PRDM15: variants seen among roughly 807,000 people sequenced by gnomAD.
PRDM15 encodes PR domain zinc finger protein 15.
Under a neutral mutation model 128.6 loss-of-function variants are expected in PRDM15, and 64 were observed. The observed-to-expected ratio is 0.50, with a 90% CI of 0.41 to 0.61. The LOEUF (loss-of-function observed/expected upper bound fraction) is 0.61. Ranked by LOEUF, PRDM15 falls within the 20% of genes least tolerant of loss-of-function variation. PRDM15 has a pLI of 0.00. For synonymous variants in PRDM15, 615 were observed against 621.8 expected (o/e 0.99, Z 0.16); for missense variants, 1,242 against 1,569.1 (o/e 0.79, Z 3.52).
At chr21:41,872,964 G>C (rs570874902) in intron 1 of PRDM15, among the ~76,000 whole-genome samples, 77 of 152,346 alleles carry the variant, frequency 5.1e-4, no homozygotes, top group African/African-American at 1.8e-3. Flanking sequence ...TCTGTTGCTG[G>C]TGGTGGTAGG....
Position 41,828,362 on chromosome 21 carries a change from G to C in PRDM15, c.1367-29C>G, listed in dbSNP as rs1167310432. 1 of 1,611,278 alleles carries C rather than the reference G, an allele frequency of 6.2e-7. No homozygotes were observed. Among genetic ancestry groups the C allele is most frequent in the South Asian group, 1.1e-5 (1 of 91,038 alleles). On this transcript the variant is annotated intron_variant, in intron 11 of 23. Transcript: ENST00000398548. The surrounding 1 kb of genome is among the most constrained non-coding windows in gnomAD (Gnocchi z 5.7). ...TCCAGAGAGCAAACAAACACACAAC[G>C]ATTTTGAGGTAAATAACATCTCACG...
chr21:41,861,978 A>G (rs1415792095), intron 1 of PRDM15: 1 of 1,613,692 alleles, frequency 6.2e-7, no homozygotes, highest in African/African-American at 1.3e-5. Context: ...TCAGTTTCAT[A>G]GCCGCATTCG....
intron 6 of PRDM15, among the ~76,000 whole-genome samples, chr21:41,844,270 C>T (rs895673266): frequency 1.2e-4 from 19 of 152,048 alleles, no homozygotes; most frequent in Admixed American, 2.0e-4. Flanking sequence ...TCTGGGACAG[C>T]GCTCAGTGCC....
chr21:41,820,827 T>C (rs1019607761), intron 16 of PRDM15, among the ~76,000 whole-genome samples: 1 of 152,174 alleles, frequency 6.6e-6, no homozygotes, highest in Non-Finnish European at 1.5e-5. Context: ...ACCCCGCTAT[T>C]TTCCTGTAAC....
chr21:41,867,153 ACTAT>A (rs930928367), intron 1 of PRDM15: 28 of 629,890 alleles, frequency 4.4e-5, no homozygotes, highest in African/African-American at 1.3e-4. Context: ...AACCTCACTG[ACTAT>A]CTGAGTTTTG....
chr21:41,812,612 G>C (rs771210742), intron 19 of PRDM15: 25 of 152,334 alleles, frequency 1.6e-4, no homozygotes, highest in Admixed American at 5.2e-4. Flanking sequence ...CTGGTCTTTA[G>C]ACAAAGCCTC....
rs1327431844 is a variant in PRDM15, at chr21:41,847,163, G to A, written c.567C>T (p.Pro189=). The change falls in exon 6 of 24, where the codon CCC becomes CCT. Residue 189 remains proline (P), a synonymous_variant. Coordinates refer to ENST00000398548, the MANE Select transcript of PRDM15 (RefSeq NM_001040424.3). The part of the protein sequence containing the change: ...HAAGTPENSA[P]VESEPSQWAC... Reference sequence around the variant, plus strand: ...CCCACTGGCTGGGCTCCGACTCCACGGGGGCGCTGTTTTCTGGGGTGCCTG... The same window carrying A: ...CCCACTGGCTGGGCTCCGACTCCACAGGGGCGCTGTTTTCTGGGGTGCCTG... The A allele has an allele frequency of 1.9e-6, 3 of 1,553,844 alleles. No individual in the cohort carries two copies. The highest frequency in any genetic ancestry group is 2.4e-5 in the East Asian group (1 of 41,548).
At chr21:41,851,011 C>T (rs1438285619) in intron 5 of PRDM15, among the ~76,000 whole-genome samples, 1 of 152,200 alleles carries the variant, frequency 6.6e-6, no homozygotes, top group Non-Finnish European at 1.5e-5. Flanking sequence ...AAGTAATTTA[C>T]AGGAAGACGG....
In PRDM15 at chr21:41,836,528, T is replaced by C. The variant is rs2062900980; in HGVS notation, c.1123A>G (p.Asn375Asp). ...TTCTGGAAGATCTTGCTGCAGATATTGCACTGGTAAACCCGCTTGTGCTCC... is the reference window on the plus strand; with the variant it reads ...TTCTGGAAGATCTTGCTGCAGATATCGCACTGGTAAACCCGCTTGTGCTCC... ...LGEHKRVYQC[N>D]ICSKIFQNSS... The change falls in exon 9 of 24, where the codon AAT (asparagine) becomes GAT (aspartate). Residue 375 changes from asparagine to aspartate, a missense_variant. Around this residue, in one of 3 missense-constraint regions of PRDM15, gnomAD observed 612 missense variants for 717.0 expected, o/e 0.85. Coordinates refer to ENST00000398548, the MANE Select transcript of PRDM15 (RefSeq NM_001040424.3). 6.2e-7 allele frequency: 1 copy of C among 1,612,764 alleles called. No homozygotes were observed. The highest frequency in any genetic ancestry group is 1.3e-5 in the African/African-American group (1 of 74,920).
Position 41,836,492 on chromosome 21 carries a change from G to C in PRDM15, c.1159C>G (p.Leu387Val). Residue 387 changes from leucine (L) to valine (V), a missense_variant, in exon 9 of 24, where the codon CTG (leucine) becomes GTG (valine). By Grantham distance (32) the Leu-to-Val change is conservative. Transcript: ENST00000398548. ...CCATGCGAGCGCACGTGCCTGCTCAGGTTGCTGCTGTTCTGGAAGATCTTG... is the reference window on the plus strand; with the variant it reads ...CCATGCGAGCGCACGTGCCTGCTCACGTTGCTGCTGTTCTGGAAGATCTTG... ...CSKIFQNSSN[L>V]SRHVRSHGDK... The C allele has an allele frequency of 3.7e-6, 6 of 1,611,860 alleles. No homozygotes were observed. The highest frequency in any genetic ancestry group is 5.1e-6 in the Non-Finnish European group (6 of 1,179,644).
In PRDM15 at chr21:41,853,726, C is replaced by T. The variant is rs545734134; in HGVS notation, c.538+840G>A. On this transcript the variant is annotated intron_variant, in intron 5 of 23. Transcript: ENST00000398548. ...AGGAATGCTAGATTTGGGCAGATCACGCACATAACCTTCACTAGGGCTTTC... is the reference window on the plus strand; with the variant it reads ...AGGAATGCTAGATTTGGGCAGATCATGCACATAACCTTCACTAGGGCTTTC... Among the ~76,000 whole-genome samples, 3 of 152,218 alleles carry T rather than the reference C, an allele frequency of 2.0e-5. No individual in the cohort carries two copies. In the East Asian group the frequency reaches 5.8e-4, roughly 29 times the overall value.
At position 41,835,298 on chromosome 21, in the gene PRDM15, G is replaced by A. The variant is rs116942602; in HGVS notation, c.1366+139C>T. On this transcript the variant is annotated intron_variant, in intron 11 of 23. Coordinates refer to ENST00000398548, the MANE Select transcript of PRDM15 (RefSeq NM_001040424.3). ...GTAACAACTGCTTTGAAGCAAAATG[G>A]ACAGAGGGAAATGTTAAAAGTGAGG... The A allele has an allele frequency of 1.7e-3, 1,198 of 708,774 alleles. 20 individuals carry two copies. The East Asian group carries it at 0.03, about 18-fold the overall frequency. The allele number at this position is 708,774 out of a possible 1,614,324, so 43.9% of individuals were successfully genotyped here.
rs1215517693 is a variant in PRDM15 at position 41,800,761 on chromosome 21, G to C, written c.*479C>G. ...ATGTGCTCGCTTGCAAAAAAATCCA[G>C]AAGTGAGGAGAAAATGTTCCCTGCT... is the stretch of plus-strand genomic sequence containing the variant. On this transcript the variant is annotated 3_prime_UTR_variant, in exon 24 of 24. Coordinates refer to ENST00000398548, the MANE Select transcript of PRDM15 (RefSeq NM_001040424.3). 1 of 154,074 alleles carries C rather than the reference G, an allele frequency of 6.5e-6. No homozygotes were observed. The highest frequency in any genetic ancestry group is 1.4e-5 in the Non-Finnish European group (1 of 69,468). The allele number at this position is 154,074 out of a possible 1,614,324, so 9.5% of individuals were successfully genotyped here. A position where few individuals can be genotyped will look rare whatever the true frequency, so the allele number is the denominator to read the frequency against.
intron 1 of PRDM15, chr21:41,871,824 A>G (rs1477010098): frequency 1.8e-6 from 1 of 557,330 alleles, no homozygotes; most frequent in Admixed American, 3.3e-5. Flanking sequence ...CAGGACGTGC[A>G]GACACAGGGG....
rs200141086 is a variant in PRDM15 at position 41,854,796 on chromosome 21, G to C, written c.308C>G (p.Pro103Arg). The C allele has an allele frequency of 3.7e-6, 6 of 1,604,708 alleles. No individual in the cohort carries two copies. In the African/African-American group the frequency reaches 6.7e-5, roughly 18 times the overall value. The change falls in exon 5 of 24, where the codon CCC becomes CGC. Residue 103 changes from proline to arginine, a missense_variant. Pro to Arg is a moderately radical substitution (Grantham distance 103). This residue lies in a region of PRDM15 where 612 missense variants were observed against 717.0 expected (regional missense o/e 0.85). Transcript: ENST00000398548. The surrounding 1 kb of genome is among the most constrained non-coding windows in gnomAD (Gnocchi z 4.6). ...CTCGTTGGAGGTGTCGAAGCACACG[G>C]GGTGCCCGTCCTTCTGGAACACCTG... ...PLKVFQKDGH[P>R]VCFDTSNEDD...
Position 41,821,983 on chromosome 21 carries a change from T to A in PRDM15, c.1816A>T (p.Ile606Phe), listed in dbSNP as rs1374431762. The change falls in exon 15 of 24, where the codon ATC (isoleucine) becomes TTC (phenylalanine). Residue 606 changes from isoleucine to phenylalanine, a missense_variant. Around this residue, in one of 3 missense-constraint regions of PRDM15, gnomAD observed 602 missense variants for 788.3 expected, o/e 0.76. Transcript: ENST00000398548. The surrounding 1 kb of genome is among the most constrained non-coding windows in gnomAD (Gnocchi z 5.4). Reference sequence around the variant, plus strand: ...TTGTCATCGTTTTCTTCCGAGGAGATCCCGATCTTGCCGATAAACTCTTCC... The same window carrying A: ...TTGTCATCGTTTTCTTCCGAGGAGAACCCGATCTTGCCGATAAACTCTTCC... ...QREEFIGKIGISSEENDDNSD... is the reference protein window; with the variant it reads ...QREEFIGKIGFSSEENDDNSD... The A allele has an allele frequency of 1.2e-6, 2 of 1,614,196 alleles. No homozygotes were observed. Among genetic ancestry groups the A allele is most frequent in the South Asian group, 2.2e-5 (2 of 91,084 alleles).
At chr21:41,833,958 G>A (rs1019457131) in intron 11 of PRDM15, among the ~76,000 whole-genome samples, 1 of 152,204 alleles carries the variant, frequency 6.6e-6, no homozygotes, top group Non-Finnish European at 1.5e-5. Flanking sequence ...GGGACCCCAA[G>A]GGGAGGTTCG....
chr21:41,837,909 GC>G, intron 8 of PRDM15, 24 bp downstream of exon 8: 2 of 1,613,658 alleles, frequency 1.2e-6, no homozygotes, highest in Non-Finnish European at 1.7e-6. Context: ...CCACAGGACG[GC>G]CCCAGGTGCC....
At chr21:41,836,312 C>G in intron 9 of PRDM15, 105 bp from the exon 10 acceptor site, 1 of 1,308,950 alleles carries the variant, frequency 7.6e-7, no homozygotes, top group Non-Finnish European at 1.1e-6. Flanking sequence ...TCCCACCATG[C>G]GAAGGAGCTG....
Sources: allele counts gnomAD v4.1 joint callset (sites outside exome capture counted in the v4.1 genomes callset), GRCh38; gene constraint gnomAD v4.1.1; regional missense constraint gnomAD v4.1.1; non-coding constraint Gnocchi (gnomAD v3.1); transcripts MANE v1.5; gene names NCBI Gene and HGNC (gene_info 2026-07-23, HGNC 2026-07-21).